The following AGTPBP1 variants were observed in gnomAD, a reference collection of about 807,000 sequenced individuals.
AGTPBP1 encodes the protein cytosolic carboxypeptidase 1.
AGTPBP1 carries 70 observed loss-of-function variants against 143.9 expected under a neutral mutation model. That is an observed-to-expected ratio of 0.49 (90% CI 0.40 to 0.59). AGTPBP1 has a LOEUF of 0.59. AGTPBP1 is among the 20% of genes least tolerant of loss of function. AGTPBP1 has a pLI of 0.00. For missense variants in AGTPBP1, 1,229 were observed against 1,464.5 expected, an observed-to-expected ratio of 0.84 and a Z score of 2.62; for synonymous variants, 463 against 500.2, an observed-to-expected ratio of 0.93 and a Z score of 0.99.
At chr9:85,703,649 C>A (rs557959495) in intron 2 of AGTPBP1, among the ~76,000 whole-genome samples, 7 of 152,188 alleles carry the variant, frequency 4.6e-5, no homozygotes, top group African/African-American at 1.7e-4. Context: ...AAGGCTCAAT[C>A]TGGGGGAACA....
At chr9:85,741,986 C>G (rs1796485932), upstream of AGTPBP1, 9 of 1,222,576 alleles carry the variant, frequency 7.4e-6, no homozygotes, top group Non-Finnish European at 9.2e-6. Context: ...AGCGCGGCGC[C>G]CCGCCCACCG....
intron 21 of AGTPBP1, 80 bp from the exon 22 acceptor site, chr9:85,587,040 A>T: frequency 1.3e-6 from 2 of 1,524,016 alleles, no homozygotes; most frequent in Non-Finnish European, 1.8e-6. Flanking sequence ...CCTTATATAC[A>T]TATCTGATTT....
intron 22 of AGTPBP1, among the ~76,000 whole-genome samples, chr9:85,586,400 CA>C (rs975735602): frequency 1.3e-5 from 2 of 152,138 alleles, no homozygotes; most frequent in Non-Finnish European, 2.9e-5. Context: ...ATAATATACA[CA>C]TTAATATAAC....
the AGTPBP1 span, among the ~76,000 whole-genome samples, chr9:85,755,827 G>T: frequency 3.3e-5 from 5 of 152,058 alleles, no homozygotes; most frequent in Admixed American, 6.5e-5. Flanking sequence ...TCTTCGTCAG[G>T]CTAAAAAATC....
At chr9:85,781,426 C>T in the AGTPBP1 span, 1 of 1,395,668 alleles carries the variant, frequency 7.2e-7, no homozygotes, top group South Asian at 1.5e-5. Context: ...TGAAGTCATG[C>T]CAGCTTTGTA....
intron 17 of AGTPBP1, among the ~76,000 whole-genome samples, chr9:85,616,199 G>C (rs1353679847): frequency 1.3e-5 from 2 of 151,834 alleles, no homozygotes; most frequent in African/African-American, 4.8e-5. Context: ...ACACCATTCT[G>C]TTTTCCAAAT....
chr9:85,727,037 C>A (rs1838538506), intron 1 of AGTPBP1, among the ~76,000 whole-genome samples: 1 of 152,164 alleles, frequency 6.6e-6, no homozygotes, highest in Admixed American at 6.5e-5. Flanking sequence ...ATCCAAAGTG[C>A]TCCAAAATTC....
the AGTPBP1 span, among the ~76,000 whole-genome samples, chr9:85,792,792 A>G: frequency 6.6e-6 from 1 of 152,184 alleles, no homozygotes; most frequent in African/African-American, 2.4e-5. Flanking sequence ...GCTTTATCAA[A>G]TGAAAGCACT....
intron 25 of AGTPBP1, among the ~76,000 whole-genome samples, chr9:85,548,436 T>G (rs539743737): frequency 1.1e-3 from 164 of 152,306 alleles, no homozygotes; most frequent in African/African-American, 3.8e-3. Flanking sequence ...AAAACCACCT[T>G]GATCTAATGT....
rs535739145 is a variant in AGTPBP1, at chr9:85,641,873, A to G, written c.1302+954T>C. Among the ~76,000 whole-genome samples the G allele has an allele frequency of 4.0e-5, 6 of 151,776 alleles. No homozygotes were observed. In the East Asian group the frequency reaches 1.2e-3, roughly 30 times the overall value. On this transcript the variant is annotated intron_variant, in intron 13 of 25. Transcript: ENST00000357081. The stretch of plus-strand genomic sequence containing the variant: ...CTCATCACGCCCGGCTAATTTTCTT[A>G]TTTTTAGAAGAAACAGGGTTTTGCC...
chr9:85,579,810 A>G lies in AGTPBP1; in HGVS notation c.3166-714T>C, dbSNP rs187841024. The stretch of plus-strand genomic sequence containing the variant: ...GATTGATCATTCATTAAATATTGGC[A>G]CTACTAGATAGTCACTAAGAAAAAC... On this transcript the variant is annotated intron_variant, in intron 23 of 25. Transcript: ENST00000357081. 2.0e-5 allele frequency among the ~76,000 whole-genome samples: 3 copies of G among 150,236 alleles called. No individual in the cohort carries two copies. The Admixed American group carries it at 2.0e-4, about 10-fold the overall frequency.
intron 14 of AGTPBP1, 149 bp downstream of exon 14, chr9:85,632,513 A>T: frequency 2.9e-6 from 2 of 697,260 alleles, no homozygotes; most frequent in Non-Finnish European, 4.5e-6. Context: ...ATTTCAAAAC[A>T]AGGCAAAATT....
chr9:85,612,203 T>C (rs1246506382), intron 17 of AGTPBP1, among the ~76,000 whole-genome samples: 4 of 152,170 alleles, frequency 2.6e-5, no homozygotes, highest in Non-Finnish European at 4.4e-5. Context: ...GAGGCAGCTC[T>C]TGGTGTACTC....
intron 25 of AGTPBP1, among the ~76,000 whole-genome samples, chr9:85,552,247 A>G (rs1272235675): frequency 6.6e-6 from 1 of 152,246 alleles, no homozygotes; most frequent in Non-Finnish European, 1.5e-5. Flanking sequence ...TATGATGCAG[A>G]AAAGGTTTAT....
At chr9:85,591,798 G>T (rs1271136852) in intron 19 of AGTPBP1, among the ~76,000 whole-genome samples, 1 of 151,832 alleles carries the variant, frequency 6.6e-6, no homozygotes, top group African/African-American at 2.4e-5. Flanking sequence ...CTAATAATTT[G>T]GGAGCTTGTT....
intron 15 of AGTPBP1, among the ~76,000 whole-genome samples, chr9:85,620,144 G>C (rs62566934): frequency 0.016 from 2,470 of 151,974 alleles, 29 homozygotes; most frequent in Middle Eastern, 0.054. Context: ...GGCACGGTGG[G>C]TCACACTTGT....
intron 17 of AGTPBP1, among the ~76,000 whole-genome samples, chr9:85,601,217 C>A (rs554530080): frequency 6.6e-6 from 1 of 152,196 alleles, no homozygotes. Context: ...CATTTGCAAG[C>A]GCCCTGGGGG....
At chr9:85,779,176 TATATAGATATAG>T in the AGTPBP1 span, among the ~76,000 whole-genome samples, 27,743 of 133,406 alleles carry the variant, frequency 0.21, 3,087 homozygotes, top group Non-Finnish European at 0.26. Context: ...TAATAGGAGA[TATATAGATATAG>T]ATATAGATAT....
intron 2 of AGTPBP1, among the ~76,000 whole-genome samples, chr9:85,696,696 A>G (rs1836269212): frequency 6.6e-6 from 1 of 152,106 alleles, no homozygotes; most frequent in Non-Finnish European, 1.5e-5. Context: ...ATCCACATTT[A>G]TAAGATTTGA....
Sources: allele counts gnomAD v4.1 joint callset (sites outside exome capture counted in the v4.1 genomes callset), GRCh38; gene constraint gnomAD v4.1.1; transcripts MANE v1.5; gene names NCBI Gene and HGNC (gene_info 2026-07-23, HGNC 2026-07-21).